CNOT4: variants seen among roughly 807,000 people sequenced by gnomAD.
CNOT4 encodes the protein CCR4-associated factor 4.
Under a neutral mutation model 73.8 loss-of-function variants are expected in CNOT4, and 8 were observed. The observed-to-expected ratio is 0.11, with a 90% CI of 0.06 to 0.20. CNOT4 has a LOEUF of 0.20. CNOT4 is among the 10% of genes least tolerant of loss of function. CNOT4 has a pLI of 1.00. For missense variants in CNOT4, 564 were observed against 883.4 expected (o/e 0.64, Z 4.58); for synonymous variants, 293 against 321.1 (o/e 0.91, Z 0.94).
At chr7:135,395,317 C>T (rs1796616662) in intron 9 of CNOT4, among the ~76,000 whole-genome samples, 1 of 151,950 alleles carries the variant, frequency 6.6e-6, no homozygotes, top group African/African-American at 2.4e-5. Context: ...ACTTGCACTC[C>T]AGCCTGGGCG....
intron 1 of CNOT4, among the ~76,000 whole-genome samples, chr7:135,473,982 G>GTTT (rs546554271): frequency 1.4e-5 from 2 of 140,340 alleles, no homozygotes; most frequent in Non-Finnish European, 3.1e-5. Flanking sequence ...TCTTTTTGTG[G>GTTT]TTTTTTTTTT....
chr7:135,508,055 G>A (rs1804490758), intron 1 of CNOT4, among the ~76,000 whole-genome samples: 1 of 152,150 alleles, frequency 6.6e-6, no homozygotes, highest in Non-Finnish European at 1.5e-5. Context: ...AATGCCAAAT[G>A]TTAAGATTCC....
At position 135,393,105 on chromosome 7, in the gene CNOT4, A is replaced by C. The variant is rs939916531; in HGVS notation, c.1627+813T>G. ...AAACTTTTTTTAACATCATCTCTAAAGCCAAAGTTAAACGAGAACACTATT... is the reference window on the plus strand; with the variant it reads ...AAACTTTTTTTAACATCATCTCTAACGCCAAAGTTAAACGAGAACACTATT... On this transcript the variant is annotated intron_variant, in intron 10 of 11. Coordinates refer to ENST00000541284, the MANE Select transcript of CNOT4 (RefSeq NM_001190850.2). Among the ~76,000 whole-genome samples, 5 of 152,156 alleles carry C rather than the reference A, an allele frequency of 3.3e-5. 1 individual carries two copies. Among genetic ancestry groups the C allele is most frequent in the Admixed American group, 2.6e-4 (4 of 15,258 alleles).
chr7:135,368,886 C>T (rs1863004), intron 10 of CNOT4, among the ~76,000 whole-genome samples: 114,994 of 152,154 alleles, frequency 0.76, 43,517 homozygotes, highest in Admixed American at 0.82. Flanking sequence ...ATTAATAGCA[C>T]CTAGTGGGTA....
At chr7:135,415,152 G>A (rs73158933) in intron 4 of CNOT4, 24 bp downstream of exon 4, 250,758 of 1,449,894 alleles carry the variant, frequency 0.17, 22,985 homozygotes, top group Non-Finnish European at 0.19. Context: ...GGGAGGAAAA[G>A]CAAAAATCCC....
At chr7:135,494,783 T>C (rs1216582868) in intron 1 of CNOT4, among the ~76,000 whole-genome samples, 1 of 151,946 alleles carries the variant, frequency 6.6e-6, no homozygotes, top group Non-Finnish European at 1.5e-5. Context: ...ATAAATAGAG[T>C]AAGTAGACAT....
chr7:135,474,939 T>G (rs1384216205), intron 1 of CNOT4, among the ~76,000 whole-genome samples: 1 of 152,162 alleles, frequency 6.6e-6, no homozygotes, highest in Non-Finnish European at 1.5e-5. Context: ...TCTAGAAATT[T>G]TACTTAAGCA....
intron 1 of CNOT4, among the ~76,000 whole-genome samples, chr7:135,493,173 ATGGT>A (rs897609586): frequency 6.6e-6 from 1 of 152,034 alleles, no homozygotes; most frequent in African/African-American, 2.4e-5. Context: ...GAGCAGGAAA[ATGGT>A]TGGTTGGTTG....
intron 10 of CNOT4, among the ~76,000 whole-genome samples, chr7:135,370,862 G>C (rs1795167041): frequency 6.6e-6 from 1 of 152,138 alleles, no homozygotes; most frequent in Non-Finnish European, 1.5e-5. Flanking sequence ...TGAAGGAAAT[G>C]AGCCACTAAG....
intron 1 of CNOT4, among the ~76,000 whole-genome samples, chr7:135,456,494 C>T (rs1434338152): frequency 6.6e-6 from 1 of 151,984 alleles, no homozygotes; most frequent in East Asian, 1.9e-4. Flanking sequence ...TGTACTTTTA[C>T]AAGCTGTGGT....
At chr7:135,473,152 T>A (rs1801749872) in intron 1 of CNOT4, among the ~76,000 whole-genome samples, 1 of 152,222 alleles carries the variant, frequency 6.6e-6, no homozygotes, top group African/African-American at 2.4e-5. Context: ...GAGGTTTGAA[T>A]AAGAGTCCTG....
At chr7:135,494,470 CAAAAA>C (rs34284664) in intron 1 of CNOT4, among the ~76,000 whole-genome samples, 1 of 73,056 alleles carries the variant, frequency 1.4e-5, no homozygotes, top group African/African-American at 5.7e-5. Context: ...AATTCCGTCT[CAAAAA>C]AAAAAAAAAA....
In CNOT4 at chr7:135,475,418, C is replaced by T. The variant is rs532044185; in HGVS notation, c.-93+34471G>A. Among the ~76,000 whole-genome samples, 20 of 151,906 alleles carry T rather than the reference C, an allele frequency of 1.3e-4. No individual in the cohort carries two copies. In the East Asian group the frequency reaches 2.1e-3, roughly 16 times the overall value. On this transcript the variant is annotated intron_variant, in intron 1 of 11. Transcript: ENST00000541284. ...CAGAATTTTAGTGTGCAATATTTGA[C>T]GTAGGAAAGCTCTCAGTGTGCAGTG...
chr7:135,481,499 A>T (rs1473348009), intron 1 of CNOT4, among the ~76,000 whole-genome samples: 1 of 152,222 alleles, frequency 6.6e-6, no homozygotes, highest in Non-Finnish European at 1.5e-5. Flanking sequence ...TGTTGGTGGG[A>T]ATGTAAATCC....
chr7:135,407,699 G>GT (rs11393668), intron 7 of CNOT4, among the ~76,000 whole-genome samples: 152,230 of 152,238 alleles, frequency 1, 76,111 homozygotes, highest in Middle Eastern at 1. Flanking sequence ...GTTTGTTTTT[G>GT]TTTTTTGTAG....
Position 135,410,592 on chromosome 7 carries a change from A to C in CNOT4, c.744T>G (p.Asn248Lys), listed in dbSNP as rs771296320. The C allele has an allele frequency of 6.3e-7, 1 of 1,596,662 alleles. No individual in the cohort carries two copies. ...CCGTAGATAGCTGAAGAAAATTGGG[A>C]TTTAATTTATATAATTCTTGAAGTA... ...QKLLQELYKLNPNFLQLSTGS... is the reference protein window; with the variant it reads ...QKLLQELYKLKPNFLQLSTGS... The change falls in exon 7 of 12, where the codon AAT (asparagine) becomes AAG (lysine). Residue 248 changes from asparagine (N) to lysine (K), a missense_variant. Transcript: ENST00000541284.
intron 10 of CNOT4, among the ~76,000 whole-genome samples, chr7:135,381,407 G>T (rs1469905004): frequency 6.6e-6 from 1 of 152,178 alleles, no homozygotes; most frequent in Non-Finnish European, 1.5e-5. Flanking sequence ...AAGCTATTTA[G>T]AGTTGCTTCA....
chr7:135,422,396 T>G lies in CNOT4; in HGVS notation c.175-43A>C, dbSNP rs564175294. 5 of 877,404 alleles carry G rather than the reference T, an allele frequency of 5.7e-6. No homozygotes were observed. In the East Asian group the frequency reaches 9.6e-5, roughly 17 times the overall value. 54.4% of individuals were successfully genotyped at this position (877,404 alleles called of 1,614,324 possible). A position where few individuals can be genotyped will look rare whatever the true frequency, so the allele number is the denominator to read the frequency against. ...ACATAGACGTTAGCATTAAATTAAT[T>G]AAAAAAACTGCGTAAGTAATTATCT... On this transcript the variant is annotated intron_variant, in intron 2 of 11. Coordinates refer to ENST00000541284, the MANE Select transcript of CNOT4 (RefSeq NM_001190850.2).
At chr7:135,448,676 T>C (rs1252911774) in intron 1 of CNOT4, among the ~76,000 whole-genome samples, 1 of 152,120 alleles carries the variant, frequency 6.6e-6, no homozygotes, top group African/African-American at 2.4e-5. Flanking sequence ...ATTATAAATA[T>C]GTCCAAAGAA....
Sources: gnomAD v4.1 joint callset for allele counts (sites outside exome capture counted in the v4.1 genomes callset) on GRCh38, gnomAD v4.1.1 for gene constraint, MANE v1.5 for transcripts, NCBI Gene and HGNC (gene_info 2026-07-23, HGNC 2026-07-21) for gene names.